PCDHGA5: variants seen among roughly 807,000 people sequenced by gnomAD.
The protein encoded by PCDHGA5 is protocadherin gamma subfamily A, 5.
PCDHGA5 carries 36 observed loss-of-function variants against 56.7 expected under a neutral mutation model. The observed-to-expected ratio is 0.64, with a 90% CI of 0.49 to 0.84. The LOEUF (loss-of-function observed/expected upper bound fraction) is 0.84, where lower values mean the gene tolerates loss of function less well. Among genes scored for constraint, PCDHGA5 ranks in the 40% least tolerant of loss-of-function variants. The pLI is 0.00. For synonymous variants in PCDHGA5, 563 were observed against 520.2 expected (o/e 1.08, Z -1.12); for missense variants, 1,305 against 1,201.5 (o/e 1.09, Z -1.27).
chr5:141,388,742 G>A (rs1340234849), intron 1 of PCDHGA5: 12 of 1,614,004 alleles, frequency 7.4e-6, no homozygotes, highest in Non-Finnish European at 1.0e-5. Flanking sequence ...AAGCTAGCCA[G>A]ATCACCCAAT....
At chr5:141,409,681 G>A in intron 1 of PCDHGA5, 1 of 1,613,368 alleles carries the variant, frequency 6.2e-7, no homozygotes, top group South Asian at 1.1e-5. Flanking sequence ...CTATAGTGGC[G>A]AGTGACCTAG....
At chr5:141,433,404 TATTA>T (rs142533293) in intron 1 of PCDHGA5, among the ~76,000 whole-genome samples, 252 of 146,310 alleles carry the variant, frequency 1.7e-3, no homozygotes, top group African/African-American at 6.2e-3. Context: ...TCTATCTATC[TATTA>T]CTTTCTTGTA....
At chr5:141,478,169 G>T in intron 1 of PCDHGA5, 1 of 1,613,834 alleles carries the variant, frequency 6.2e-7, no homozygotes, top group Non-Finnish European at 8.5e-7. Flanking sequence ...TGCCCCCCGG[G>T]AGCAGAAAAA....
chr5:141,459,025 A>C (rs2098959135), intron 1 of PCDHGA5, among the ~76,000 whole-genome samples: 1 of 152,336 alleles, frequency 6.6e-6, no homozygotes, highest in Non-Finnish European at 1.5e-5. Flanking sequence ...GAGCCACCAC[A>C]TCCAGCCTTA....
rs1312102403 is a variant in PCDHGA5 at position 141,364,802 on chromosome 5, C to T, written c.472C>T (p.Arg158Trp). 6.2e-7 allele frequency: 1 copy of T among 1,614,006 alleles called. No homozygotes were observed. The highest frequency in any genetic ancestry group is 8.5e-7 in the Non-Finnish European group (1 of 1,179,904). Residue 158 changes from arginine to tryptophan, a missense_variant, in exon 1 of 4, where the codon CGG becomes TGG. Coordinates refer to ENST00000518069, the MANE Select transcript of PCDHGA5 (RefSeq NM_018918.3). ...GACACGGTTAGTGCTTCCCTTCGCGCGGGATGCGGATGTGGGTGTGAACTC... is the reference window on the plus strand; with the variant it reads ...GACACGGTTAGTGCTTCCCTTCGCGTGGGATGCGGATGTGGGTGTGAACTC... ...AGTRLVLPFA[R>W]DADVGVNSLR...
intron 1 of PCDHGA5, among the ~76,000 whole-genome samples, chr5:141,492,685 C>T (rs919981996): frequency 1.3e-5 from 2 of 152,242 alleles, no homozygotes; most frequent in African/African-American, 2.4e-5. Context: ...CAAGGGTCGG[C>T]GACCCCTCAA....
chr5:141,373,242 C>T (rs1241005147), intron 1 of PCDHGA5, among the ~76,000 whole-genome samples: 1 of 152,106 alleles, frequency 6.6e-6, no homozygotes, highest in Non-Finnish European at 1.5e-5. Context: ...TTTTTACTTC[C>T]CTTTGCATGT....
chr5:141,374,179 C>G, intron 1 of PCDHGA5: 1 of 1,613,664 alleles, frequency 6.2e-7, no homozygotes, highest in East Asian at 2.2e-5. Flanking sequence ...CGCAGATCCG[C>G]TACTCTATTC....
Position 141,491,648 on chromosome 5 carries a change from T to A in PCDHGA5, c.2422-3159T>A. 6.2e-7 allele frequency: 1 copy of A among 1,613,834 alleles called. No individual in the cohort carries two copies. Among genetic ancestry groups the A allele is most frequent in the Non-Finnish European group, 8.5e-7 (1 of 1,180,002 alleles). ...GTTCAGCAGCCCACAGCTCTGGCGC[T>A]GGAGCCTGACGCCATCCGGTCCCGC... On this transcript the variant is annotated intron_variant, in intron 1 of 3. Transcript: ENST00000518069. This position sits in a 1 kb window ranked among gnomAD's most constrained non-coding sequence, Gnocchi z 6.9.
At chr5:141,418,815 T>A in intron 1 of PCDHGA5, 1 of 1,613,864 alleles carries the variant, frequency 6.2e-7, no homozygotes, top group East Asian at 2.2e-5. Flanking sequence ...ACGATAAACA[T>A]AGAAGCAAAA....
In PCDHGA5 at chr5:141,487,883, G is replaced by A; in HGVS notation, c.2422-6924G>A. ...GGTGATCAAGAGCCAGGCTGTTGTG[G>A]AAGCATGATGATGGAATGTGGGAGC... is the stretch of plus-strand genomic sequence containing the variant. On this transcript the variant is annotated intron_variant, in intron 1 of 3. Transcript: ENST00000518069. This position sits in a 1 kb window ranked among gnomAD's most constrained non-coding sequence, Gnocchi z 5.0. The A allele has an allele frequency of 1.3e-6, 1 of 766,586 alleles. No homozygotes were observed. The highest frequency in any genetic ancestry group is 1.8e-5 in the South Asian group (1 of 55,094). 47.5% of individuals were successfully genotyped at this position (766,586 alleles called of 1,614,324 possible).
At chr5:141,376,255 G>A (rs1380740739) in intron 1 of PCDHGA5, 6 of 1,614,256 alleles carry the variant, frequency 3.7e-6, no homozygotes, top group Non-Finnish European at 3.4e-6. Context: ...AGTCACGCCT[G>A]CTGCAGGCTT....
In PCDHGA5 at chr5:141,421,902, C is replaced by T. The variant is rs1218675162; in HGVS notation, c.2421+55151C>T. 4 of 1,613,706 alleles carry T rather than the reference C, an allele frequency of 2.5e-6. No homozygotes were observed. The South Asian group carries it at 3.3e-5, about 13-fold the overall frequency. On this transcript the variant is annotated intron_variant, in intron 1 of 3. Coordinates refer to ENST00000518069, the MANE Select transcript of PCDHGA5 (RefSeq NM_018918.3). Reference sequence around the variant, plus strand: ...ATGGAGGCGATCCCATCCGAAAGGGCGCAGTTCCCATTCGTGTGGTGGTCC... The same window carrying T: ...ATGGAGGCGATCCCATCCGAAAGGGTGCAGTTCCCATTCGTGTGGTGGTCC...
chr5:141,404,804 T>A, intron 1 of PCDHGA5: 1 of 1,613,898 alleles, frequency 6.2e-7, no homozygotes, highest in South Asian at 1.1e-5. Context: ...AGGGCTCTTC[T>A]CGGTGGGGCT....
chr5:141,373,042 T>C (rs1415410484), intron 1 of PCDHGA5, among the ~76,000 whole-genome samples: 6 of 152,218 alleles, frequency 3.9e-5, no homozygotes, highest in African/African-American at 1.4e-4. Context: ...TTCTTAATCC[T>C]AATACACTAT....
intron 1 of PCDHGA5, chr5:141,383,728 G>C (rs1561598364): frequency 6.2e-7 from 1 of 1,613,878 alleles, no homozygotes; most frequent in African/African-American, 1.3e-5. Flanking sequence ...CAATGGGGAA[G>C]TGACATATTC....
intron 1 of PCDHGA5, chr5:141,404,186 C>A (rs767632448): frequency 1.2e-6 from 2 of 1,612,966 alleles, no homozygotes; most frequent in Middle Eastern, 1.6e-4. Flanking sequence ...AATTCTTGAC[C>A]GAGAAAAAGC....
intron 1 of PCDHGA5, chr5:141,376,561 A>C (rs780141155): frequency 4.2e-5 from 67 of 1,608,210 alleles, no homozygotes; most frequent in Non-Finnish European, 5.4e-5. Context: ...CCGCAACCCA[A>C]CTAATCAGAC....
rs1260157676 is a variant in PCDHGA5, at chr5:141,373,137, T to G, written c.2421+6386T>G. On this transcript the variant is annotated intron_variant, in intron 1 of 3. Transcript: ENST00000518069. ...CAGAATTAGACCCAAATCCTCACAA[T>G]TAAGTGGTTTACTTAGTTTTAATGC... Among the ~76,000 whole-genome samples, 5 of 152,372 alleles carry G rather than the reference T, an allele frequency of 3.3e-5. No individual in the cohort carries two copies. The East Asian group carries it at 7.7e-4, about 23-fold the overall frequency.
Sources: allele counts gnomAD v4.1 joint callset (sites outside exome capture counted in the v4.1 genomes callset), GRCh38; gene constraint gnomAD v4.1.1; non-coding constraint Gnocchi (gnomAD v3.1); transcripts MANE v1.5; gene names NCBI Gene and HGNC (gene_info 2026-07-23, HGNC 2026-07-21).